Variants in PAX6 observed in about 807,000 individuals in gnomAD.
PAX6 encodes the protein paired box 6.
PAX6 carries 7 observed loss-of-function variants against 60.7 expected under a neutral mutation model. That is an observed-to-expected ratio of 0.12 (90% CI 0.07 to 0.22). The LOEUF is 0.22. Among genes scored for constraint, PAX6 ranks in the 10% least tolerant of loss-of-function variants. The probability of loss-of-function intolerance (pLI) is 1.00; values close to 1 mark genes in which losing one functional copy is unlikely to be tolerated. For missense variants in PAX6, 355 were observed against 555.2 expected (o/e 0.64, Z 3.62); for synonymous variants, 208 against 201.2 (o/e 1.03, Z -0.29).
At chr11:31,810,443 C>G (rs1351609636) in intron 2 of PAX6, 1 of 159,522 alleles carries the variant, frequency 6.3e-6, no homozygotes, top group Non-Finnish European at 1.4e-5. Flanking sequence ...GGGCCTTGGG[C>G]ACCACAGAGC....
intron 2 of PAX6, chr11:31,809,511 C>G (rs1210353098): frequency 6.6e-6 from 1 of 152,222 alleles, no homozygotes; most frequent in Non-Finnish European, 1.5e-5. Flanking sequence ...TTTTAGCACT[C>G]GAAAAAGAAA....
rs921517437 is a variant in PAX6, at chr11:31,802,084, C to G, written c.142-172G>C. 3 of 640,964 alleles carry G rather than the reference C, an allele frequency of 4.7e-6. No homozygotes were observed. The African/African-American group carries it at 5.5e-5, about 12-fold the overall frequency. The allele number at this position is 640,964 out of a possible 1,614,324, so 39.7% of individuals were successfully genotyped here. ...TTAAAAAAAAAACTTTTCTTAAACA[C>G]TGCCTGAAGATGCATCAAAACGAAG... On this transcript the variant is annotated intron_variant, in intron 5 of 13. Transcript: ENST00000640368.
At chr11:31,817,045 T>C (rs1419043641) in intron 1 of PAX6, among the ~76,000 whole-genome samples, 1 of 152,010 alleles carries the variant, frequency 6.6e-6, no homozygotes, top group East Asian at 1.9e-4. Flanking sequence ...GGCCGCAGGG[T>C]GGTGGGCGCT....
At position 31,810,981 on chromosome 11, in the gene PAX6, T is replaced by C. The variant is rs1956950990; in HGVS notation, c.-282A>G. On this transcript the variant is annotated 5_prime_UTR_variant, in exon 2 of 14. Transcript: ENST00000640368. Reference sequence around the variant, plus strand: ...TGGTGAGAGTTTTCTCCACGGATGTTGCTGGGTTGGTGTGTGAGAGCAATT... The same window carrying C: ...TGGTGAGAGTTTTCTCCACGGATGTCGCTGGGTTGGTGTGTGAGAGCAATT... 1 of 399,278 alleles carries C rather than the reference T, an allele frequency of 2.5e-6. No individual in the cohort carries two copies. 24.7% of individuals were successfully genotyped at this position (399,278 alleles called of 1,614,324 possible).
At chr11:31,817,001 G>T (rs1057511773) in intron 1 of PAX6, among the ~76,000 whole-genome samples, 3 of 152,236 alleles carry the variant, frequency 2.0e-5, no homozygotes, top group Non-Finnish European at 4.4e-5. Flanking sequence ...CTCACTAAGG[G>T]GACACTTCCG....
At chr11:31,807,584 C>T (rs1383569511) in intron 2 of PAX6, 2 of 152,182 alleles carry the variant, frequency 1.3e-5, no homozygotes, top group Admixed American at 6.5e-5. Flanking sequence ...TCTCTTTTGG[C>T]GTTTAGATCT....
chr11:31,803,246 A>C (rs1592570225), intron 4 of PAX6: 1 of 234,132 alleles, frequency 4.3e-6, no homozygotes, highest in East Asian at 1.0e-4. Context: ...CTTCATAAAC[A>C]CTGCAGCCAG....
At chr11:31,796,416 A>G (rs1052359429) in intron 8 of PAX6, among the ~76,000 whole-genome samples, 26 of 146,622 alleles carry the variant, frequency 1.8e-4, no homozygotes, top group Admixed American at 7.6e-4. Flanking sequence ...CTCTGCTATC[A>G]TTAATCACTG....
chr11:31,794,436 ACACACACACACACACACAC>A (rs1194552390), intron 9 of PAX6, 175 bp downstream of exon 9: 1 of 29,174 alleles, frequency 3.4e-5, no homozygotes, highest in African/African-American at 5.5e-4. Context: ...ACACACACAC[ACACACACACACACACACAC>A]ACACACACAC....
intron 1 of PAX6, among the ~76,000 whole-genome samples, chr11:31,817,607 C>T (rs868088446): frequency 6.6e-6 from 1 of 152,246 alleles, no homozygotes; most frequent in African/African-American, 2.4e-5. Context: ...AGAGCACACT[C>T]GGCAAAGACA....
At position 31,789,932 on chromosome 11, in the gene PAX6, T is replaced by TAG; in HGVS notation, c.*1_*2insCT. ...CTTTCCTTTTTTTTTTTTTTTTTTT[T>TAG]TTTACTGTAATCTTGGCCAGTATTG... On this transcript the variant is annotated 3_prime_UTR_variant, in exon 14 of 14. Transcript: ENST00000640368. 6.4e-7 allele frequency: 1 copy of TAG among 1,560,404 alleles called. No individual in the cohort carries two copies. Among genetic ancestry groups the TAG allele is most frequent in the Non-Finnish European group, 8.7e-7 (1 of 1,152,258 alleles).
upstream of PAX6, among the ~76,000 whole-genome samples, chr11:31,815,788 G>T (rs1164316654): frequency 7.5e-6 from 1 of 133,756 alleles, no homozygotes. Context: ...AAAAAAAAAA[G>T]TATTTTCAAT....
At chr11:31,812,499 T>A (rs1037689268), upstream of PAX6, 2 of 152,640 alleles carry the variant, frequency 1.3e-5, no homozygotes, top group South Asian at 4.1e-4. Context: ...GGGAGGAAAG[T>A]AAGTAAATGG....
intron 5 of PAX6, chr11:31,802,186 A>AT (rs1954188485): frequency 1.5e-5 from 7 of 462,054 alleles, no homozygotes; most frequent in South Asian, 2.9e-5. Context: ...AAATAAACTG[A>AT]TTTTTTTACT....
intron 7 of PAX6, 33 bp downstream of exon 7, chr11:31,801,528 G>C (rs533556378): frequency 3.7e-6 from 6 of 1,613,698 alleles, no homozygotes; most frequent in Non-Finnish European, 5.1e-6. Flanking sequence ...TTGGGCTTAG[G>C]GCAGGGAGGG....
At chr11:31,816,715 G>A (rs1205173200) in intron 1 of PAX6, 6 of 691,678 alleles carry the variant, frequency 8.7e-6, no homozygotes, top group Admixed American at 4.0e-5. Context: ...GCCACCGCTC[G>A]GAGTCGGGCG....
rs1554982404 is a variant in PAX6, at chr11:31,790,119, A to AAAAAAC, written c.1226-101_1226-100insGTTTTT. ...TTACAAAAAAAAAAAAAAAAAAAAA[A>AAAAAAC]ACTAATACTTTCTAACATTTTTTAC... On this transcript the variant is annotated intron_variant, in intron 13 of 13. Transcript: ENST00000640368. The AAAAAAC allele has an allele frequency of 6.5e-6, 5 of 771,892 alleles. No individual in the cohort carries two copies. The African/African-American group carries it at 9.2e-5, about 14-fold the overall frequency. The allele number at this position is 771,892 out of a possible 1,614,324, so 47.8% of individuals were successfully genotyped here.
chr11:31,808,847 C>G (rs1333372726), intron 2 of PAX6: 3 of 152,304 alleles, frequency 2.0e-5, no homozygotes, highest in Non-Finnish European at 1.5e-5. Flanking sequence ...CGGAAGCAGT[C>G]CTGTGCACCG....
chr11:31,804,557 A>C (rs1955161553), intron 4 of PAX6: 1 of 152,252 alleles, frequency 6.6e-6, no homozygotes, highest in Admixed American at 6.5e-5. Context: ...TTGCGGGGAC[A>C]CCGCTTCTCC....
Sources: gnomAD v4.1 joint callset for allele counts (sites outside exome capture counted in the v4.1 genomes callset) on GRCh38, gnomAD v4.1.1 for gene constraint, MANE v1.5 for transcripts, NCBI Gene and HGNC (gene_info 2026-07-23, HGNC 2026-07-21) for gene names.